The following SHOC2 variants were observed in gnomAD, a reference collection of about 807,000 sequenced individuals.
The protein encoded by SHOC2 is leucine-rich repeat protein SHOC-2.
A neutral mutation model predicts 50.2 loss-of-function variants in SHOC2; 4 were observed. The ratio of observed to expected loss-of-function variants is 0.08; its 90% CI spans 0.04 to 0.18. The LOEUF (loss-of-function observed/expected upper bound fraction) is 0.18. Ranked by LOEUF, SHOC2 falls within the 10% of genes least tolerant of loss-of-function variation. SHOC2 has a pLI of 1.00. For synonymous variants in SHOC2, 218 were observed against 244.5 expected (o/e 0.89, Z 1.01); for missense variants, 388 against 669.6 (o/e 0.58, Z 4.64).
chr10:110,982,596 C>CT (rs763351408), intron 2 of SHOC2, among the ~76,000 whole-genome samples: 10 of 151,748 alleles, frequency 6.6e-5, no homozygotes, highest in Non-Finnish European at 1.2e-4. Context: ...TTGCATTTCT[C>CT]TGATGGCCAG....
At chr10:110,938,147 TAAAAG>T (rs931050308) in intron 1 of SHOC2, among the ~76,000 whole-genome samples, 1 of 152,200 alleles carries the variant, frequency 6.6e-6, no homozygotes, top group Non-Finnish European at 1.5e-5. Context: ...TCCTATATGT[TAAAAG>T]AAATATGTTT....
At chr10:110,989,405 C>G (rs751333390) in intron 3 of SHOC2, among the ~76,000 whole-genome samples, 3 of 152,178 alleles carry the variant, frequency 2.0e-5, no homozygotes, top group Non-Finnish European at 2.9e-5. Context: ...TGGCTGAAGT[C>G]AATCTGGTTG....
At chr10:110,985,790 G>A (rs771410193) in intron 3 of SHOC2, 25 bp downstream of exon 3, 1 of 1,600,864 alleles carries the variant, frequency 6.2e-7, no homozygotes. Flanking sequence ...AGGAGATATT[G>A]ATAGCTGTTA....
chr10:110,925,108 A>G (rs1371767504), intron 1 of SHOC2, among the ~76,000 whole-genome samples: 1 of 151,198 alleles, frequency 6.6e-6, no homozygotes, highest in Non-Finnish European at 1.5e-5. Flanking sequence ...ATAAAAAGCA[A>G]TACTTAAATG....
upstream of SHOC2, chr10:110,919,597 G>GGAGGAGGAA (rs1463991571): frequency 5.0e-6 from 2 of 397,568 alleles, no homozygotes; most frequent in East Asian, 3.6e-5. Context: ...CTTCTTAGGA[G>GGAGGAGGAA]GAGGAGGAAG....
intron 2 of SHOC2, among the ~76,000 whole-genome samples, chr10:110,984,723 G>C (rs555022467): frequency 1.3e-5 from 2 of 152,224 alleles, no homozygotes; most frequent in South Asian, 4.1e-4. Context: ...CCAATACAGA[G>C]CTTTCAACCA....
At chr10:110,998,146 C>T (rs371761110) in intron 3 of SHOC2, among the ~76,000 whole-genome samples, 1 of 152,086 alleles carries the variant, frequency 6.6e-6, no homozygotes, top group African/African-American at 2.4e-5. Flanking sequence ...ACTATAGGCA[C>T]ACACCACCAT....
intron 3 of SHOC2, among the ~76,000 whole-genome samples, chr10:110,987,166 T>C (rs956148084): frequency 1.4e-5 from 2 of 144,312 alleles, no homozygotes; most frequent in Non-Finnish European, 3.2e-5. Context: ...ATTGTTTTGC[T>C]TGTATCTGGG....
chr10:111,010,546 G>T (rs56005122), intron 8 of SHOC2, among the ~76,000 whole-genome samples: 10 of 152,148 alleles, frequency 6.6e-5, no homozygotes, highest in East Asian at 1.9e-4. Context: ...GTAGCGGGAG[G>T]GGGGAAGGAT....
At chr10:110,955,487 G>C (rs1161878941) in intron 1 of SHOC2, among the ~76,000 whole-genome samples, 1 of 152,078 alleles carries the variant, frequency 6.6e-6, no homozygotes, top group Non-Finnish European at 1.5e-5. Flanking sequence ...AGTGAGATTG[G>C]GGGGGAAATC....
At chr10:110,994,871 C>T (rs560760454) in intron 3 of SHOC2, among the ~76,000 whole-genome samples, 163 of 152,198 alleles carry the variant, frequency 1.1e-3, no homozygotes, top group Non-Finnish European at 1.5e-3. Context: ...AGTTCCTTCC[C>T]GGCTGATACC....
chr10:110,929,375 G>A (rs1846842193), intron 1 of SHOC2, among the ~76,000 whole-genome samples: 1 of 152,068 alleles, frequency 6.6e-6, no homozygotes, highest in African/African-American at 2.4e-5. Flanking sequence ...ATTACTACGT[G>A]ATTTACATGT....
chr10:110,996,547 A>G (rs1185522466), intron 3 of SHOC2, among the ~76,000 whole-genome samples: 2 of 151,538 alleles, frequency 1.3e-5, no homozygotes, highest in Non-Finnish European at 2.9e-5. Context: ...AAAAGAAATG[A>G]TGAGGGTGGG....
At chr10:110,963,390 T>C (rs1847608415) in intron 1 of SHOC2, among the ~76,000 whole-genome samples, 1 of 152,220 alleles carries the variant, frequency 6.6e-6, no homozygotes, top group East Asian at 1.9e-4. Context: ...TTTTCAAAGG[T>C]GATCCTCAGG....
chr10:110,975,032 C>G (rs1168567780), intron 2 of SHOC2, among the ~76,000 whole-genome samples: 1 of 152,056 alleles, frequency 6.6e-6, no homozygotes, highest in East Asian at 1.9e-4. Flanking sequence ...TCCTATATAA[C>G]CATTGTATAG....
intron 3 of SHOC2, among the ~76,000 whole-genome samples, chr10:110,996,893 A>C (rs1404881019): frequency 1.3e-5 from 2 of 152,184 alleles, no homozygotes; most frequent in Non-Finnish European, 2.9e-5. Context: ...ATGATGATAG[A>C]GGTATTGGCA....
intron 2 of SHOC2, among the ~76,000 whole-genome samples, chr10:110,975,827 G>A (rs1847868085): frequency 6.6e-6 from 1 of 151,986 alleles, no homozygotes; most frequent in Non-Finnish European, 1.5e-5. Flanking sequence ...TTTATCTTGG[G>A]AGATGTTTTT....
At position 110,982,403 on chromosome 10, in the gene SHOC2, C is replaced by T. The variant is rs377573889; in HGVS notation, c.704-3225C>T. Reference sequence around the variant, plus strand: ...GGATGGCTGGGTCAAATGGTATTTCCAGTTCTAGATCCCTGAGGAATCGCC... The same window carrying T: ...GGATGGCTGGGTCAAATGGTATTTCTAGTTCTAGATCCCTGAGGAATCGCC... On this transcript the variant is annotated intron_variant, in intron 2 of 8. Transcript: ENST00000369452. Among the ~76,000 whole-genome samples, 40 of 151,674 alleles carry T rather than the reference C, an allele frequency of 2.6e-4. No homozygotes were observed. In the East Asian group the frequency reaches 4.7e-3, roughly 18 times the overall value.
At chr10:110,965,494 A>G (rs767750050) in intron 2 of SHOC2, among the ~76,000 whole-genome samples, 10 of 152,176 alleles carry the variant, frequency 6.6e-5, no homozygotes, top group African/African-American at 9.6e-5. Flanking sequence ...CTTTCTACCT[A>G]ATTTACCACA....
Sources: allele counts gnomAD v4.1 joint callset (sites outside exome capture counted in the v4.1 genomes callset), GRCh38; gene constraint gnomAD v4.1.1; transcripts MANE v1.5; gene names NCBI Gene and HGNC (gene_info 2026-07-23, HGNC 2026-07-21).